KIAA1614: variants seen among roughly 807,000 people sequenced by gnomAD.
The protein encoded by KIAA1614 is uncharacterized protein KIAA1614.
A neutral mutation model predicts 88.7 loss-of-function variants in KIAA1614; 76 were observed. The ratio of observed to expected loss-of-function variants is 0.86; its 90% CI spans 0.71 to 1.04. The LOEUF is 1.04. Ranked by LOEUF, KIAA1614 falls within the 50% of genes least tolerant of loss-of-function variation. The pLI is 0.00. For missense variants in KIAA1614, 1,553 were observed against 1,582.5 expected (o/e 0.98, Z 0.32); for synonymous variants, 714 against 675.5 (o/e 1.06, Z -0.88).
At position 180,945,903 on chromosome 1, in the gene KIAA1614, G is replaced by A. The variant is rs111967847; in HGVS notation, c.*315G>A. 261 of 739,260 alleles carry A rather than the reference G, an allele frequency of 3.5e-4. 1 individual carries two copies. In the African/African-American group the frequency reaches 4.6e-3, roughly 13 times the overall value. 45.8% of individuals were successfully genotyped at this position (739,260 alleles called of 1,614,324 possible). On this transcript the variant is annotated 3_prime_UTR_variant, in exon 9 of 9. Coordinates refer to ENST00000367588, the MANE Select transcript of KIAA1614 (RefSeq NM_020950.2). ...CTGGATCACCTGAGGTCAGGAGTTC[G>A]AGACCAGTCTGGCCCACATGGTGAA...
intron 3 of KIAA1614, among the ~76,000 whole-genome samples, chr1:180,918,247 A>G (rs1311674462): frequency 6.6e-6 from 1 of 152,180 alleles, no homozygotes; most frequent in Non-Finnish European, 1.5e-5. Context: ...TGTCTGGTTC[A>G]CTTCACAGGA....
chr1:180,941,969 A>G (rs1444295914), intron 7 of KIAA1614, among the ~76,000 whole-genome samples: 1 of 152,004 alleles, frequency 6.6e-6, no homozygotes, highest in Admixed American at 6.6e-5. Flanking sequence ...CCCACCTGCA[A>G]ATGCCCACTC....
At position 180,936,074 on chromosome 1, in the gene KIAA1614, A is replaced by C; in HGVS notation, c.2165A>C (p.Gln722Pro). 1 of 1,614,136 alleles carries C rather than the reference A, an allele frequency of 6.2e-7. No homozygotes were observed. Among genetic ancestry groups the C allele is most frequent in the South Asian group, 1.1e-5 (1 of 91,080 alleles). The change falls in exon 5 of 9, where the codon CAG (glutamine) becomes CCG (proline). Residue 722 changes from glutamine to proline, a missense_variant. Transcript: ENST00000367588. ...LELKRVSLGP[Q>P]WQPGPGLGSH... Reference sequence around the variant, plus strand: ...TTGAAGCGGGTGTCCCTGGGACCCCAGTGGCAGCCTGGACCAGGGCTGGGA... The same window carrying C: ...TTGAAGCGGGTGTCCCTGGGACCCCCGTGGCAGCCTGGACCAGGGCTGGGA...
At chr1:180,937,518 T>C (rs184825053) in intron 5 of KIAA1614, among the ~76,000 whole-genome samples, 2 of 152,324 alleles carry the variant, frequency 1.3e-5, no homozygotes, top group African/African-American at 4.8e-5. Context: ...TGATCCCAGG[T>C]GACCAACTCT....
Position 180,917,904 on chromosome 1 carries a change from G to A in KIAA1614, c.1051G>A (p.Gly351Ser), listed in dbSNP as rs200591163. ...CTCGGGCACCTCCTTGCAGGACTCCGGCCAGAACAGGTAAGAGCTCAGAGC... is the reference window on the plus strand; with the variant it reads ...CTCGGGCACCTCCTTGCAGGACTCCAGCCAGAACAGGTAAGAGCTCAGAGC... ...WASGTSLQDS[G>S]QNRTVGPNPE... The change falls in exon 3 of 9, where the codon GGC becomes AGC. Residue 351 changes from glycine (G) to serine (S), a missense_variant. Physicochemically the swap from Gly to Ser is moderately conservative, Grantham distance 56. Transcript: ENST00000367588. The A allele has an allele frequency of 4.1e-4, 668 of 1,613,664 alleles. 2 individuals carry two copies. In the African/African-American group the frequency reaches 6.9e-3, roughly 17 times the overall value.
Position 180,935,185 on chromosome 1 carries a change from C to A in KIAA1614, c.1276C>A (p.His426Asn). ...PACRDSLQNG[H>N]TSDSSSGESS... ...CTGCAGAGACAGCCTCCAGAACGGG[C>A]ACACGAGCGATTCCTCCAGCGGAGA... The change falls in exon 5 of 9, where the codon CAC becomes AAC. Residue 426 changes from histidine to asparagine, a missense_variant. By Grantham distance (68) the His-to-Asn change is moderately conservative. Transcript: ENST00000367588. The surrounding 1 kb of genome is among the most constrained non-coding windows in gnomAD (Gnocchi z 6.1). 1.4e-6 allele frequency: 2 copies of A among 1,480,882 alleles called. No homozygotes were observed. Among genetic ancestry groups the A allele is most frequent in the South Asian group, 2.8e-5 (2 of 70,910 alleles). The allele number at this position is 1,480,882 out of a possible 1,614,324, so 91.7% of individuals were successfully genotyped here.
At chr1:180,914,090 C>A (rs943733744) in intron 1 of KIAA1614, 13 of 150,850 alleles carry the variant, frequency 8.6e-5, no homozygotes, top group African/African-American at 3.2e-4. Flanking sequence ...GTCCGTGTTA[C>A]GAAGTGGATA....
At chr1:180,920,947 C>T (rs532845443) in intron 3 of KIAA1614, among the ~76,000 whole-genome samples, 220 of 152,348 alleles carry the variant, frequency 1.4e-3, no homozygotes, top group Non-Finnish European at 2.6e-3. Flanking sequence ...CATTTTTGAG[C>T]TCTTATTATG....
At chr1:180,916,005 G>A (rs114135603) in intron 1 of KIAA1614, 149 bp from the exon 2 acceptor site, 15,859 of 481,800 alleles carry the variant, frequency 0.033, 350 homozygotes, top group Middle Eastern at 0.046. Flanking sequence ...AAAGGTTGGA[G>A]ACCACTGATC....
intron 4 of KIAA1614, among the ~76,000 whole-genome samples, chr1:180,931,445 G>A (rs1277744515): frequency 1.3e-5 from 2 of 152,354 alleles, no homozygotes; most frequent in East Asian, 1.9e-4. Context: ...CTCCCCTAGA[G>A]GAGTGACTAC....
At chr1:180,932,903 C>G (rs1654233516) in intron 4 of KIAA1614, among the ~76,000 whole-genome samples, 1 of 152,112 alleles carries the variant, frequency 6.6e-6, no homozygotes, top group Non-Finnish European at 1.5e-5. Context: ...CCACTCCCGG[C>G]TAATTTTTTC....
At position 180,941,038 on chromosome 1, in the gene KIAA1614, G is replaced by GT; in HGVS notation, c.2919-4dup. On this transcript the variant is annotated splice_region_variant and splice_polypyrimidine_tract_variant and intron_variant, in intron 6 of 8. Coordinates refer to ENST00000367588, the MANE Select transcript of KIAA1614 (RefSeq NM_020950.2). ...CCCGCCCCCTCACCTCCACCCTTGT[G>GT]TTTCAGAGCATCAGCAGGAGCTGGC... 6.9e-7 allele frequency: 1 copy of GT among 1,452,178 alleles called. No individual in the cohort carries two copies. Among genetic ancestry groups the GT allele is most frequent in the Non-Finnish European group, 9.3e-7 (1 of 1,076,472 alleles). 90.0% of individuals were successfully genotyped at this position (1,452,178 alleles called of 1,614,324 possible).
intron 8 of KIAA1614, 135 bp from the exon 9 acceptor site, chr1:180,945,168 C>G (rs944235): frequency 9.1e-7 from 1 of 1,097,676 alleles, no homozygotes; most frequent in Non-Finnish European, 1.2e-6. Flanking sequence ...TTTTTGCTGG[C>G]TGAAGTCAGC....
At chr1:180,913,315 C>T (rs1653701755) in intron 1 of KIAA1614, 22 bp downstream of exon 1, 2 of 1,238,564 alleles carry the variant, frequency 1.6e-6, no homozygotes, top group Admixed American at 4.3e-5. Context: ...GGAGGCAGCG[C>T]CGGGCCGGCC....
intron 3 of KIAA1614, among the ~76,000 whole-genome samples, chr1:180,920,234 C>G (rs1488669238): frequency 6.6e-6 from 1 of 152,242 alleles, no homozygotes; most frequent in Non-Finnish European, 1.5e-5. Flanking sequence ...CTCCCTCTCT[C>G]CCCGGAGCAG....
rs746837958 is a variant in KIAA1614, at chr1:180,934,803, G to A, written c.1206-312G>A. 5.3e-4 allele frequency among the ~76,000 whole-genome samples: 80 copies of A among 152,280 alleles called. 1 individual carries two copies. The highest frequency in any genetic ancestry group is 2.4e-3 in the Admixed American group (37 of 15,288). On this transcript the variant is annotated intron_variant, in intron 4 of 8. Coordinates refer to ENST00000367588, the MANE Select transcript of KIAA1614 (RefSeq NM_020950.2). ...CCACCCCAGCAACACACACTTGTGA[G>A]GACTTCAGCATCTTCCCATTCAATA... is the stretch of plus-strand genomic sequence containing the variant.
rs1216163998 is a variant in KIAA1614, at chr1:180,930,098, C to T, written c.1205+1525C>T. ...TTTCCACATTTTGGGCCTTGCCTCT[C>T]TCTCTAGATGGAGGGCACTTGTTAG... On this transcript the variant is annotated intron_variant, in intron 4 of 8. Transcript: ENST00000367588. 2.5e-4 allele frequency among the ~76,000 whole-genome samples: 38 copies of T among 152,136 alleles called. 1 individual carries two copies. The highest frequency in any genetic ancestry group is 2.4e-3 in the Admixed American group (36 of 15,278).
chr1:180,940,092 T>C (rs1373186261), intron 6 of KIAA1614, among the ~76,000 whole-genome samples: 1 of 152,242 alleles, frequency 6.6e-6, no homozygotes, highest in Non-Finnish European at 1.5e-5. Flanking sequence ...GGGATGGGTC[T>C]CCTTGGTTTT....
rs1653831607 is a variant in KIAA1614, at chr1:180,917,077, C to T, written c.974C>T (p.Pro325Leu). The T allele has an allele frequency of 6.2e-7, 1 of 1,613,110 alleles. No individual in the cohort carries two copies. Among genetic ancestry groups the T allele is most frequent in the African/African-American group, 1.3e-5 (1 of 74,940 alleles). The change falls in exon 2 of 9, where the codon CCA becomes CTA. Residue 325 changes from proline to leucine, a missense_variant. Physicochemically the swap from Pro to Leu is moderately conservative, Grantham distance 98. Transcript: ENST00000367588. ...PRKVGTPAWT[P>L]SWDTAAPERP... ...AAGGTGGGAACCCCTGCCTGGACTCCATCCTGGGACACAGCTGCACCAGGT... is the reference window on the plus strand; with the variant it reads ...AAGGTGGGAACCCCTGCCTGGACTCTATCCTGGGACACAGCTGCACCAGGT...
Sources: allele counts gnomAD v4.1 joint callset (sites outside exome capture counted in the v4.1 genomes callset), GRCh38; gene constraint gnomAD v4.1.1; non-coding constraint Gnocchi (gnomAD v3.1); transcripts MANE v1.5; gene names NCBI Gene and HGNC (gene_info 2026-07-23, HGNC 2026-07-21).